The following WDPCP variants were observed in gnomAD, a reference collection of about 807,000 sequenced individuals.
The protein encoded by WDPCP is WD repeat containing planar cell polarity effector.
In WDPCP, 71 loss-of-function variants were observed where a neutral mutation model predicts 93.1. The observed-to-expected ratio is 0.76, with a 90% confidence interval of 0.63 to 0.93. WDPCP has a LOEUF of 0.93. Among genes scored for constraint, WDPCP ranks in the 40% least tolerant of loss-of-function variants. The pLI, the probability that WDPCP is intolerant of heterozygous loss-of-function variation, is 0.00. For synonymous variants in WDPCP, 315 were observed against 315.0 expected, an observed-to-expected ratio of 1.00 and a Z score of 0.00; for missense variants, 844 against 887.4, an observed-to-expected ratio of 0.95 and a Z score of 0.62.
intron 1 of WDPCP, among the ~76,000 whole-genome samples, chr2:63,550,605 CTG>C (rs1046622355): frequency 5.4e-4 from 79 of 145,446 alleles, no homozygotes; most frequent in African/African-American, 1.8e-3. Flanking sequence ...CCTCTTCTAT[CTG>C]CTATCCTTGG....
Position 63,680,355 on chromosome 2 carries a change from G to A in WDPCP, n.309-29517C>T, listed in dbSNP as rs553397381. Among the ~76,000 whole-genome samples, 8 of 152,338 alleles carry A rather than the reference G, an allele frequency of 5.3e-5. No individual in the cohort carries two copies. The South Asian group carries it at 1.7e-3, about 32-fold the overall frequency. On this transcript the variant is annotated intron_variant and non_coding_transcript_variant, in intron 2 of 4. Coordinates refer to the WDPCP transcript ENST00000467687. ...CCCCCTCCCCCATTCAGCAGCGGCT[G>A]CACAGCATGGAGAATCTGTGTGCTT... is the stretch of plus-strand genomic sequence containing the variant.
At chr2:63,493,356 A>G (rs1701014212) in intron 1 of WDPCP, among the ~76,000 whole-genome samples, 1 of 152,192 alleles carries the variant, frequency 6.6e-6, no homozygotes, top group African/African-American at 2.4e-5. Context: ...TGGTATATAA[A>G]GCAAATATTT....
intron 14 of WDPCP, among the ~76,000 whole-genome samples, chr2:63,244,102 T>C (rs565792368): frequency 1.2e-4 from 18 of 152,194 alleles, no homozygotes; most frequent in Middle Eastern, 6.8e-3. Flanking sequence ...CACAATTACA[T>C]GGAAATTAAA....
intron 3 of WDPCP, among the ~76,000 whole-genome samples, chr2:63,598,820 C>T (rs372601617): frequency 6.7e-6 from 1 of 148,588 alleles, no homozygotes; most frequent in Non-Finnish European, 1.5e-5. Context: ...CGTCCTTGTT[C>T]GTGAGAAATA....
At chr2:63,548,872 GAAACACAC>G (rs1467577317) in intron 1 of WDPCP, among the ~76,000 whole-genome samples, 1 of 152,004 alleles carries the variant, frequency 6.6e-6, no homozygotes, top group East Asian at 1.9e-4. Context: ...TAAGAATCAG[GAAACACAC>G]TTCTAAACAA....
intron 1 of WDPCP, among the ~76,000 whole-genome samples, chr2:63,554,107 C>A (rs942617448): frequency 1.3e-5 from 2 of 152,194 alleles, no homozygotes; most frequent in African/African-American, 4.8e-5. Flanking sequence ...TCATGCTTTG[C>A]ATTTCACTGT....
intron 13 of WDPCP, among the ~76,000 whole-genome samples, chr2:63,288,586 T>C (rs1458781586): frequency 6.6e-6 from 1 of 152,210 alleles, no homozygotes; most frequent in Non-Finnish European, 1.5e-5. Flanking sequence ...TTCTGAACCA[T>C]TTCAGAGTAA....
chr2:63,526,801 G>C (rs919718329), intron 1 of WDPCP, among the ~76,000 whole-genome samples: 1 of 152,060 alleles, frequency 6.6e-6, no homozygotes, highest in Non-Finnish European at 1.5e-5. Flanking sequence ...TTCTGTTTTG[G>C]TTTTAACTTT....
At chr2:63,573,524 C>A (rs868043216) in intron 1 of WDPCP, among the ~76,000 whole-genome samples, 2 of 152,128 alleles carry the variant, frequency 1.3e-5, no homozygotes, top group African/African-American at 2.4e-5. Context: ...ATTTCCTATG[C>A]CCGTTTTTAC....
intron 14 of WDPCP, among the ~76,000 whole-genome samples, chr2:63,217,020 A>C (rs1422398859): frequency 6.6e-6 from 1 of 152,194 alleles, no homozygotes; most frequent in African/African-American, 2.4e-5. Context: ...TACCTCAGTG[A>C]TACGTTTTTC....
At chr2:63,248,887 T>C (rs1680493511) in intron 14 of WDPCP, among the ~76,000 whole-genome samples, 1 of 152,044 alleles carries the variant, frequency 6.6e-6, no homozygotes, top group African/African-American at 2.4e-5. Flanking sequence ...TTTTTCTTTT[T>C]TGATATTTTC....
rs1669518459 is a variant in WDPCP, at chr2:63,121,005, C to T, written c.*1001G>A. On this transcript the variant is annotated 3_prime_UTR_variant, in exon 18 of 18. Transcript: ENST00000272321. ...CTGAGTCAGAGACAAATGATAGTAA[C>T]CAGGGTATCGGCATTTTTTTCTTTT... 6.6e-6 allele frequency among the ~76,000 whole-genome samples: 1 copy of T among 152,054 alleles called. No individual in the cohort carries two copies. Among genetic ancestry groups the T allele is most frequent in the Non-Finnish European group, 1.5e-5 (1 of 68,008 alleles).
chr2:63,425,047 CA>C (rs943129918), intron 9 of WDPCP, among the ~76,000 whole-genome samples: 1 of 152,042 alleles, frequency 6.6e-6, no homozygotes, highest in African/African-American at 2.4e-5. Context: ...AATTACAACA[CA>C]AAAAATACTC....
intron 3 of WDPCP, among the ~76,000 whole-genome samples, chr2:63,602,347 G>GTTTTTTTTTTTTT (rs144884000): frequency 6.7e-5 from 7 of 104,004 alleles, no homozygotes; most frequent in Admixed American, 1.1e-4. Context: ...GTTGGTTGGG[G>GTTTTTTTTTTTTT]TTTTTTTTTT....
intron 2 of WDPCP, among the ~76,000 whole-genome samples, chr2:63,701,784 T>C (rs1192016304): frequency 6.6e-6 from 1 of 152,158 alleles, no homozygotes; most frequent in African/African-American, 2.4e-5. Flanking sequence ...CACTCATATG[T>C]AGGAGCTTAA....
chr2:63,219,316 A>G (rs1677618800), intron 14 of WDPCP, among the ~76,000 whole-genome samples: 1 of 152,228 alleles, frequency 6.6e-6, no homozygotes, highest in African/African-American at 2.4e-5. Context: ...AGACATAAGC[A>G]TAGGTTTTCC....
At chr2:63,689,249 G>C (rs1465592139) in intron 2 of WDPCP, among the ~76,000 whole-genome samples, 1 of 152,088 alleles carries the variant, frequency 6.6e-6, no homozygotes, top group Non-Finnish European at 1.5e-5. Context: ...ATGATCCAGG[G>C]TATTGTCAGC....
chr2:63,513,017 C>T (rs1412106647), intron 1 of WDPCP, among the ~76,000 whole-genome samples: 1 of 151,868 alleles, frequency 6.6e-6, no homozygotes, highest in Non-Finnish European at 1.5e-5. Context: ...ATGAGGAAGA[C>T]AGTAAATTCA....
chr2:63,207,630 C>G (rs758485302), intron 14 of WDPCP, among the ~76,000 whole-genome samples: 2 of 152,082 alleles, frequency 1.3e-5, no homozygotes, highest in Admixed American at 1.3e-4. Context: ...TGATCATAAT[C>G]CATTTTCATT....
Sources: allele counts gnomAD v4.1 joint callset (sites outside exome capture counted in the v4.1 genomes callset), GRCh38; gene constraint gnomAD v4.1.1; transcripts MANE v1.5; gene names NCBI Gene and HGNC (gene_info 2026-07-23, HGNC 2026-07-21).